The following FAM98B variants were observed in gnomAD, a reference collection of about 807,000 sequenced individuals.
FAM98B encodes the protein tRNA-splicing ligase complex subunit FAM98B.
A neutral mutation model predicts 43.9 loss-of-function variants in FAM98B; 32 were observed. The ratio of observed to expected loss-of-function variants is 0.73; its 90% CI spans 0.55 to 0.98. The LOEUF (loss-of-function observed/expected upper bound fraction) is 0.98. Ranked by LOEUF, FAM98B falls within the 50% of genes least tolerant of loss-of-function variation. The probability of loss-of-function intolerance (pLI) is 0.00; values close to 1 mark genes in which losing one functional copy is unlikely to be tolerated. For missense variants in FAM98B, 514 were observed against 522.9 expected, an observed-to-expected ratio of 0.98 and a Z score of 0.17; for synonymous variants, 190 against 174.0, an observed-to-expected ratio of 1.09 and a Z score of -0.72.
At chr15:38,478,906 AC>A (rs1890244505) in intron 6 of FAM98B, among the ~76,000 whole-genome samples, 1 of 152,186 alleles carries the variant, frequency 6.6e-6, no homozygotes, top group African/African-American at 2.4e-5. Context: ...CTATTTTAGT[AC>A]CCTTTTTAAA....
chr15:38,484,028 G>C (rs1488040066), intron 7 of FAM98B, among the ~76,000 whole-genome samples: 1 of 151,842 alleles, frequency 6.6e-6, no homozygotes, highest in Admixed American at 6.6e-5. Flanking sequence ...CAATGGTATA[G>C]AACACTAGAA....
Position 38,474,295 on chromosome 15 carries a change from A to G in FAM98B, c.726A>G (p.Ala242=), listed in dbSNP as rs1395657682. 1.2e-6 allele frequency: 2 copies of G among 1,607,822 alleles called. No homozygotes were observed. Among genetic ancestry groups the G allele is most frequent in the Non-Finnish European group, 1.7e-6 (2 of 1,175,252 alleles). The change falls in exon 6 of 8, where the codon GCA becomes GCG. Residue 242 remains alanine (A), a synonymous_variant. Coordinates refer to ENST00000397609, the MANE Select transcript of FAM98B (RefSeq NM_173611.4). ...AGTCCTTTGGATGGTCTGATAGAGCAAAGGTAAGGCTGTTTTCCCATATGT... is the reference window on the plus strand; with the variant it reads ...AGTCCTTTGGATGGTCTGATAGAGCGAAGGTAAGGCTGTTTTCCCATATGT... The part of the protein sequence containing the change: ...TVQSFGWSDR[A]KVKTDDIARI...
Position 38,470,305 on chromosome 15 carries a change from G to T in FAM98B, c.431G>T (p.Ser144Ile), listed in dbSNP as rs371845923. 3 of 1,601,468 alleles carry T rather than the reference G, an allele frequency of 1.9e-6. No homozygotes were observed. Among genetic ancestry groups the T allele is most frequent in the Non-Finnish European group, 2.6e-6 (3 of 1,174,392 alleles). ...AAAAATTCTCAATTAGATAAAAATA[G>T]TGAAGTTTATCAGGAAGTTCAAGCT... ...KHKNSQLDKN[S>I]EVYQEVQAMF... Residue 144 changes from serine to isoleucine, a missense_variant, in exon 4 of 8, where the codon AGT becomes ATT. Ser to Ile is a moderately radical substitution (Grantham distance 142, BLOSUM62 -2). This residue lies in a region of FAM98B where 469 missense variants were observed against 451.8 expected (regional missense o/e 1.04). Transcript: ENST00000397609.
Position 38,466,182 on chromosome 15 carries a change from T to TTGTG in FAM98B, c.352+813_352+816dup, listed in dbSNP as rs35919139. On this transcript the variant is annotated intron_variant, in intron 3 of 7. Coordinates refer to ENST00000397609, the MANE Select transcript of FAM98B (RefSeq NM_173611.4). ...AAGTTTGTTTCATTAGAGATGAAAT[T>TTGTG]TGTGTGTGTGTGTGTGTGTGTGTGT... Among the ~76,000 whole-genome samples, 1,356 of 147,790 alleles carry TTGTG rather than the reference T, an allele frequency of 9.2e-3. 17 individuals carry two copies. The highest frequency in any genetic ancestry group is 0.029 in the African/African-American group (1,156 of 39,930).
chr15:38,468,374 A>G (rs1401100751), intron 3 of FAM98B, among the ~76,000 whole-genome samples: 1 of 151,944 alleles, frequency 6.6e-6, no homozygotes, highest in Non-Finnish European at 1.5e-5. Flanking sequence ...ACAGGCGTAC[A>G]CCACCATGCC....
At chr15:38,476,325 A>G (rs1257430050) in intron 6 of FAM98B, among the ~76,000 whole-genome samples, 1 of 151,914 alleles carries the variant, frequency 6.6e-6, no homozygotes, top group Non-Finnish European at 1.5e-5. Context: ...GAGTTCTGAA[A>G]TTGCACAATA....
At chr15:38,456,573 G>C (rs1889852238) in intron 1 of FAM98B, among the ~76,000 whole-genome samples, 1 of 152,126 alleles carries the variant, frequency 6.6e-6, no homozygotes, top group Admixed American at 6.5e-5. Flanking sequence ...AAACAGACAT[G>C]ATCACAAAAA....
chr15:38,483,167 A>G (rs1221040432), intron 7 of FAM98B: 1 of 152,200 alleles, frequency 6.6e-6, no homozygotes, highest in Non-Finnish European at 1.5e-5. Context: ...ATCAATGGCA[A>G]TGGAAAGTCC....
chr15:38,457,309 G>A (rs1440666207), intron 1 of FAM98B, among the ~76,000 whole-genome samples: 2 of 152,060 alleles, frequency 1.3e-5, no homozygotes, highest in Non-Finnish European at 2.9e-5. Flanking sequence ...GAGCCACCAC[G>A]CCCCAACAGA....
chr15:38,458,836 A>G (rs1018045758), intron 1 of FAM98B: 3 of 486,462 alleles, frequency 6.2e-6, no homozygotes, highest in Non-Finnish European at 8.3e-6. Flanking sequence ...GCAACTCAGT[A>G]TCTGCCATGT....
At position 38,484,350 on chromosome 15, in the gene FAM98B, CG is replaced by C; in HGVS notation, c.995del (p.Gly332AlafsTer108). 1 of 1,519,902 alleles carries C rather than the reference CG, an allele frequency of 6.6e-7. No individual in the cohort carries two copies. Among genetic ancestry groups the C allele is most frequent in the South Asian group, 1.2e-5 (1 of 82,664 alleles). The allele number at this position is 1,519,902 out of a possible 1,614,324, so 94.2% of individuals were successfully genotyped here. On this transcript the variant is annotated frameshift_variant, in exon 8 of 8. Transcript: ENST00000397609. LOFTEE classifies it low-confidence loss of function (END_TRUNC). ...MPPWQKRQEGGGGRGGWGGGG... is the reference protein window; with the variant it reads ...MPPWQKRQEGXGGRGGWGGGG... ...CCCCTTGGCAAAAGAGACAAGAAGG[CG>C]GCGGTGGAAGGGGTGGTTGGGGTGG...
At position 38,463,700 on chromosome 15, in the gene FAM98B, A is replaced by G. The variant is rs75203062; in HGVS notation, c.72-332A>G. 4.6e-3 allele frequency among the ~76,000 whole-genome samples: 703 copies of G among 152,096 alleles called. 40 individuals carry two copies. In the East Asian group the frequency reaches 0.12, roughly 26 times the overall value. On this transcript the variant is annotated intron_variant, in intron 1 of 7. Coordinates refer to ENST00000397609, the MANE Select transcript of FAM98B (RefSeq NM_173611.4). ...ACTTTATGCTGTATTTGACTTTGTG[A>G]TACCTGTGGTATTTATCTGAAAATT...
intron 1 of FAM98B, among the ~76,000 whole-genome samples, chr15:38,456,437 A>G (rs1037257763): frequency 4.6e-5 from 7 of 152,238 alleles, no homozygotes; most frequent in African/African-American, 1.2e-4. Context: ...GAGAAACACT[A>G]CTATGGAGAG....
At chr15:38,458,864 A>C (rs1889896371) in intron 1 of FAM98B, 1 of 466,962 alleles carries the variant, frequency 2.1e-6, no homozygotes, top group Non-Finnish European at 4.3e-6. Context: ...CCAGGACTGC[A>C]CAGGCACTGC....
intron 3 of FAM98B, among the ~76,000 whole-genome samples, chr15:38,469,585 C>A (rs957672106): frequency 3.3e-5 from 5 of 152,168 alleles, no homozygotes; most frequent in African/African-American, 1.2e-4. Flanking sequence ...ATTGTTCACA[C>A]CGTTCCTGGC....
In FAM98B at chr15:38,487,148, A is replaced by G. The variant is rs190801018; in HGVS notation, c.*2489A>G. 6.6e-6 allele frequency: 1 copy of G among 152,264 alleles called. No homozygotes were observed. Among genetic ancestry groups the G allele is most frequent in the East Asian group, 1.9e-4 (1 of 5,188 alleles). 9.4% of individuals were successfully genotyped at this position (152,264 alleles called of 1,614,324 possible). A position where few individuals can be genotyped will look rare whatever the true frequency, so the allele number is the denominator to read the frequency against. ...ATAAAGAGCATGTATTCTGTCTATA[A>G]CATAATCACCACACTATTACTCATA... On this transcript the variant is annotated 3_prime_UTR_variant, in exon 8 of 8. Coordinates refer to ENST00000397609, the MANE Select transcript of FAM98B (RefSeq NM_173611.4).
chr15:38,472,864 AG>A (rs1890147392), intron 4 of FAM98B, among the ~76,000 whole-genome samples: 1 of 152,156 alleles, frequency 6.6e-6, no homozygotes, highest in African/African-American at 2.4e-5. Flanking sequence ...CCAGTCAGGA[AG>A]GTAAATTAAT....
At chr15:38,461,322 A>C (rs1292033415) in intron 1 of FAM98B, among the ~76,000 whole-genome samples, 1 of 152,178 alleles carries the variant, frequency 6.6e-6, no homozygotes, top group Non-Finnish European at 1.5e-5. Flanking sequence ...GGGGGTGCAG[A>C]AATAATATTC....
intron 1 of FAM98B, among the ~76,000 whole-genome samples, chr15:38,461,232 A>G (rs1170780746): frequency 1.3e-5 from 2 of 152,212 alleles, no homozygotes; most frequent in Non-Finnish European, 2.9e-5. Flanking sequence ...AGGATATAAG[A>G]TGTTTACTAT....
Sources: gnomAD v4.1 joint callset for allele counts (sites outside exome capture counted in the v4.1 genomes callset) on GRCh38, gnomAD v4.1.1 for gene constraint, gnomAD v4.1.1 regional missense constraint, MANE v1.5 for transcripts, NCBI Gene and HGNC (gene_info 2026-07-23, HGNC 2026-07-21) for gene names.